Variants in LRRFIP1 observed in about 807,000 individuals in gnomAD.
The protein encoded by LRRFIP1 is leucine-rich repeat flightless-interacting protein 1.
In LRRFIP1, 62 loss-of-function variants were observed where a neutral mutation model predicts 104.4. That is an observed-to-expected ratio of 0.59 (90% confidence interval 0.48 to 0.73). The LOEUF (loss-of-function observed/expected upper bound fraction) is 0.73. Ranked by LOEUF, LRRFIP1 falls within the 30% of genes least tolerant of loss-of-function variation. LRRFIP1 has a pLI of 0.00. For synonymous variants in LRRFIP1, 300 were observed against 299.0 expected (o/e 1.00, Z -0.03); for missense variants, 796 against 824.5 (o/e 0.97, Z 0.42).
intron 1 of LRRFIP1, among the ~76,000 whole-genome samples, chr2:237,686,780 C>T (rs1228080182): frequency 2.0e-5 from 3 of 152,246 alleles, no homozygotes; most frequent in African/African-American, 7.2e-5. Flanking sequence ...GCCTGAGGGC[C>T]AAGAATACTT....
chr2:237,659,919 G>A (rs1201128585), intron 1 of LRRFIP1, among the ~76,000 whole-genome samples: 1 of 152,248 alleles, frequency 6.6e-6, no homozygotes, highest in African/African-American at 2.4e-5. Context: ...TATTACAGGC[G>A]TGAGCCACCG....
chr2:237,649,954 T>C lies in LRRFIP1; in HGVS notation c.96+22214T>C, dbSNP rs999285305. On this transcript the variant is annotated intron_variant, in intron 1 of 23. Coordinates refer to ENST00000308482, the MANE Select transcript of LRRFIP1 (RefSeq NM_001137550.2). The surrounding 1 kb of genome is among the most constrained non-coding windows in gnomAD (Gnocchi z 4.1). ...TCCTTTCAAGTGTCCATCCATCCAC[T>C]GGGCAGATTTTTACTTAGCACATTC... 6.6e-6 allele frequency among the ~76,000 whole-genome samples: 1 copy of C among 152,092 alleles called. No homozygotes were observed. Among genetic ancestry groups the C allele is most frequent in the African/African-American group, 2.4e-5 (1 of 41,444 alleles).
chr2:237,779,506 C>A lies in LRRFIP1; in HGVS notation c.1897C>A (p.Arg633=), dbSNP rs185040623. The change falls in exon 24 of 24, where the codon CGG becomes AGG. Residue 633 remains arginine (R), a synonymous_variant. Coordinates refer to ENST00000308482, the MANE Select transcript of LRRFIP1 (RefSeq NM_001137550.2). ...GCGTCTGGAAAAAATGAAAGCAAATCGGAGTGCACTCTTGTCCCAGCAGTA... is the reference window on the plus strand; with the variant it reads ...GCGTCTGGAAAAAATGAAAGCAAATAGGAGTGCACTCTTGTCCCAGCAGTA... ...VKRLEKMKAN[R]SALLSQQ 1.2e-6 allele frequency: 2 copies of A among 1,613,598 alleles called. No homozygotes were observed. Among genetic ancestry groups the A allele is most frequent in the African/African-American group, 1.3e-5 (1 of 75,054 alleles).
intron 1 of LRRFIP1, among the ~76,000 whole-genome samples, chr2:237,631,901 G>T (rs2082390040): frequency 6.6e-6 from 1 of 152,242 alleles, no homozygotes; most frequent in South Asian, 2.1e-4. Context: ...GCAGGACGGA[G>T]GCCCTCCCCC....
intron 1 of LRRFIP1, among the ~76,000 whole-genome samples, chr2:237,632,390 C>T (rs554017762): frequency 3.9e-5 from 6 of 152,324 alleles, no homozygotes; most frequent in African/African-American, 9.6e-5. Context: ...CAACTCCTGC[C>T]GAGACCACCT....
In LRRFIP1 at chr2:237,661,739, C is replaced by G. The variant is rs1265686155; in HGVS notation, c.96+33999C>G. Among the ~76,000 whole-genome samples, 1 of 152,216 alleles carries G rather than the reference C, an allele frequency of 6.6e-6. No individual in the cohort carries two copies. Among genetic ancestry groups the G allele is most frequent in the Non-Finnish European group, 1.5e-5 (1 of 68,042 alleles). ...GTGGGCACACATTCTCTGTGCTGTG[C>G]ATGGGGACAGCTCCAGGAAGAGAGA... On this transcript the variant is annotated intron_variant, in intron 1 of 23. Transcript: ENST00000308482. This position sits in a 1 kb window ranked among gnomAD's most constrained non-coding sequence, Gnocchi z 4.4.
At chr2:237,754,677 T>C (rs2059059591) in intron 15 of LRRFIP1, among the ~76,000 whole-genome samples, 1 of 152,138 alleles carries the variant, frequency 6.6e-6, no homozygotes, top group South Asian at 2.1e-4. Context: ...TAGAATTGAG[T>C]TGGAAGCTGA....
At chr2:237,629,054 G>C (rs533261700) in intron 1 of LRRFIP1, among the ~76,000 whole-genome samples, 70 of 152,268 alleles carry the variant, frequency 4.6e-4, no homozygotes, top group Non-Finnish European at 8.8e-4. Flanking sequence ...GCCCGCGCCT[G>C]GCATGGCAGT....
chr2:237,773,071 ATAAGT>A, intron 22 of LRRFIP1, 126 bp downstream of exon 22: 2 of 694,376 alleles, frequency 2.9e-6, no homozygotes, highest in Middle Eastern at 2.5e-4. Flanking sequence ...CCTAAGAGGG[ATAAGT>A]TAAGACAGCA....
At chr2:237,739,666 G>A (rs966904654) in intron 11 of LRRFIP1, among the ~76,000 whole-genome samples, 7 of 152,230 alleles carry the variant, frequency 4.6e-5, no homozygotes, top group South Asian at 2.1e-4. Flanking sequence ...TGTAGATCCC[G>A]GGACGCTCCC....
chr2:237,741,830 A>AAAAAAAG (rs768791687), intron 11 of LRRFIP1, among the ~76,000 whole-genome samples: 3 of 152,164 alleles, frequency 2.0e-5, no homozygotes, highest in South Asian at 2.1e-4. Context: ...TCCGTCTAAA[A>AAAAAAAG]AAAAAAGAAA....
chr2:237,640,714 C>A (rs7576996), intron 1 of LRRFIP1, among the ~76,000 whole-genome samples: 46,640 of 151,922 alleles, frequency 0.31, 7,870 homozygotes, highest in African/African-American at 0.44. Context: ...TCCCTGCTGC[C>A]TCAGCCCTGG....
chr2:237,682,536 G>A (rs189159827), intron 1 of LRRFIP1, among the ~76,000 whole-genome samples: 38 of 152,246 alleles, frequency 2.5e-4, no homozygotes, highest in Admixed American at 2.0e-3. Flanking sequence ...CTCTCCCATC[G>A]GCTTACTCTT....
chr2:237,722,467 A>G (rs1229655390), intron 6 of LRRFIP1, among the ~76,000 whole-genome samples: 1 of 152,118 alleles, frequency 6.6e-6, no homozygotes, highest in African/African-American at 2.4e-5. Context: ...CATTCATTTC[A>G]TTTTCAATGA....
At chr2:237,724,064 T>TC (rs1394345996) in intron 7 of LRRFIP1, among the ~76,000 whole-genome samples, 1 of 151,926 alleles carries the variant, frequency 6.6e-6, no homozygotes. Flanking sequence ...TTTTTTTTTT[T>TC]TGCCAGAAAG....
chr2:237,770,065 G>A (rs1325233771), intron 20 of LRRFIP1, 73 bp downstream of exon 20: 3 of 1,257,024 alleles, frequency 2.4e-6, no homozygotes, highest in African/African-American at 1.5e-5. Context: ...CTTCCTTCTT[G>A]CTTACTCAGA....
At chr2:237,632,371 G>A (rs2082503514) in intron 1 of LRRFIP1, among the ~76,000 whole-genome samples, 2 of 152,190 alleles carry the variant, frequency 1.3e-5, no homozygotes, top group South Asian at 4.1e-4. Flanking sequence ...CTGCGGGCCA[G>A]GCTGAGGCCA....
chr2:237,762,896 G>A (rs757803749), intron 19 of LRRFIP1: 24 of 1,614,020 alleles, frequency 1.5e-5, no homozygotes, highest in Non-Finnish European at 2.0e-5. Context: ...TGAGGTCATG[G>A]GTGCACCAGA....
At chr2:237,722,213 A>G (rs372998533) in intron 6 of LRRFIP1, 5 of 152,312 alleles carry the variant, frequency 3.3e-5, no homozygotes, top group African/African-American at 9.6e-5. Flanking sequence ...AACCTGGTTA[A>G]TATGGGTTCA....
Sources: allele counts gnomAD v4.1 joint callset (sites outside exome capture counted in the v4.1 genomes callset), GRCh38; gene constraint gnomAD v4.1.1; non-coding constraint Gnocchi (gnomAD v3.1); transcripts MANE v1.5; gene names NCBI Gene and HGNC (gene_info 2026-07-23, HGNC 2026-07-21).